NTM: variants seen among roughly 807,000 people sequenced by gnomAD.
The protein encoded by NTM is neurotrimin.
NTM carries 13 observed loss-of-function variants against 42.1 expected under a neutral mutation model. The observed-to-expected ratio is 0.31, with a 90% CI of 0.20 to 0.49. NTM has a LOEUF of 0.49. Ranked by LOEUF, NTM falls within the 20% of genes least tolerant of loss-of-function variation. The pLI is 0.99. For synonymous variants in NTM, 187 were observed against 179.2 expected (o/e 1.04, Z -0.35); for missense variants, 373 against 452.8 (o/e 0.82, Z 1.60).
intron 1 of NTM, among the ~76,000 whole-genome samples, chr11:131,431,171 G>T (rs540190151): frequency 6.6e-6 from 1 of 152,116 alleles, no homozygotes; most frequent in South Asian, 2.1e-4. Context: ...CAGCTTTCAC[G>T]GTGGGAATCA....
intron 1 of NTM, among the ~76,000 whole-genome samples, chr11:131,470,023 G>C (rs1394886566): frequency 1.3e-5 from 2 of 152,168 alleles, no homozygotes; most frequent in Admixed American, 1.3e-4. Context: ...AAAATTAGAG[G>C]TGAAAGCTGG....
intron 2 of NTM, among the ~76,000 whole-genome samples, chr11:132,087,218 C>A (rs1249949395): frequency 2.0e-4 from 31 of 152,114 alleles, no homozygotes; most frequent in Admixed American, 2.0e-3. Flanking sequence ...TTCACCCATG[C>A]TAAGGGGAGG....
intron 2 of NTM, among the ~76,000 whole-genome samples, chr11:132,069,381 ACGT>A (rs2057059930): frequency 1.9e-4 from 20 of 103,076 alleles, no homozygotes; most frequent in South Asian, 2.6e-4. Context: ...GTTAGTTAAC[ACGT>A]CACTCAGCCA....
intron 4 of NTM, among the ~76,000 whole-genome samples, chr11:132,276,651 G>T (rs1355002945): frequency 6.6e-6 from 1 of 152,136 alleles, no homozygotes; most frequent in Non-Finnish European, 1.5e-5. Flanking sequence ...AACATTGTCT[G>T]CTAAGTCTCA....
At position 132,241,649 on chromosome 11, in the gene NTM, A is replaced by G. The variant is rs552999466; in HGVS notation, c.526+29502A>G. The stretch of plus-strand genomic sequence containing the variant: ...CTCTTGCATGTGTCTCTGTAAAATG[A>G]AGCTGATAATGAATTGTTCCGTACT... On this transcript the variant is annotated intron_variant, in intron 4 of 8. Coordinates refer to ENST00000683400, the MANE Select transcript of NTM (RefSeq NM_001352005.2). 5.3e-4 allele frequency among the ~76,000 whole-genome samples: 80 copies of G among 152,352 alleles called. 1 individual carries two copies. The highest frequency in any genetic ancestry group is 1.8e-3 in the Admixed American group (28 of 15,312).
intron 4 of NTM, among the ~76,000 whole-genome samples, chr11:132,227,383 A>C (rs2138974113): frequency 6.6e-6 from 1 of 152,268 alleles, no homozygotes; most frequent in African/African-American, 2.4e-5. Flanking sequence ...AGAAAGAGGG[A>C]GAATGGGTTA....
At chr11:132,147,455 G>T (rs2070783784) in intron 3 of NTM, among the ~76,000 whole-genome samples, 1 of 152,060 alleles carries the variant, frequency 6.6e-6, no homozygotes, top group South Asian at 2.1e-4. Context: ...TGTAAAGGGG[G>T]TCAACGTGAG....
At chr11:132,303,804 A>AGT (rs1157492445) in intron 4 of NTM, among the ~76,000 whole-genome samples, 2 of 151,692 alleles carry the variant, frequency 1.3e-5, no homozygotes, top group Admixed American at 1.3e-4. Context: ...GAGCTGCAGC[A>AGT]GTGGCAGTGG....
At chr11:131,385,696 A>AT (rs1423944424) in intron 1 of NTM, among the ~76,000 whole-genome samples, 6 of 152,208 alleles carry the variant, frequency 3.9e-5, no homozygotes, top group African/African-American at 1.4e-4. Context: ...CTACAAAAAA[A>AT]TTTTTTTAAA....
At chr11:131,712,262 T>C (rs1385857686) in intron 1 of NTM, among the ~76,000 whole-genome samples, 3 of 151,098 alleles carry the variant, frequency 2.0e-5, no homozygotes, top group Non-Finnish European at 4.4e-5. Flanking sequence ...TAGTTGCACA[T>C]AACCTTTGTT....
chr11:131,706,253 A>C (rs570879569), intron 1 of NTM, among the ~76,000 whole-genome samples: 43 of 152,164 alleles, frequency 2.8e-4, no homozygotes, highest in Non-Finnish European at 5.5e-4. Context: ...GGCCATTATA[A>C]AATGAAAAAG....
chr11:131,666,214 C>T (rs896568278), intron 1 of NTM, among the ~76,000 whole-genome samples: 1 of 152,192 alleles, frequency 6.6e-6, no homozygotes, highest in South Asian at 2.1e-4. Context: ...ACCCTTCACC[C>T]TGCCTATCAC....
intron 2 of NTM, among the ~76,000 whole-genome samples, chr11:132,039,080 C>G (rs1051142159): frequency 6.6e-6 from 1 of 152,220 alleles, no homozygotes; most frequent in Non-Finnish European, 1.5e-5. Flanking sequence ...CAGGTAATCC[C>G]TCTGTCCAGA....
chr11:132,110,349 T>C (rs189106040), intron 2 of NTM, among the ~76,000 whole-genome samples: 160 of 152,352 alleles, frequency 1.1e-3, no homozygotes, highest in African/African-American at 3.7e-3. Context: ...GGAAATAATA[T>C]GGTCTTCAAA....
intron 4 of NTM, among the ~76,000 whole-genome samples, chr11:132,293,070 C>A (rs979212000): frequency 6.6e-6 from 1 of 152,040 alleles, no homozygotes; most frequent in South Asian, 2.1e-4. Context: ...GATTGTACTT[C>A]TGGACGAGGA....
intron 4 of NTM, among the ~76,000 whole-genome samples, chr11:132,265,797 G>T (rs779832169): frequency 6.6e-6 from 1 of 152,150 alleles, no homozygotes; most frequent in Non-Finnish European, 1.5e-5. Context: ...CAACCTGAAT[G>T]AAGTATGTGC....
At chr11:132,144,239 C>T (rs1591800418) in intron 2 of NTM, among the ~76,000 whole-genome samples, 1 of 152,136 alleles carries the variant, frequency 6.6e-6, no homozygotes, top group African/African-American at 2.4e-5. Flanking sequence ...TGACCAGGGG[C>T]CATCAGCTTT....
intron 4 of NTM, among the ~76,000 whole-genome samples, chr11:132,264,744 C>T (rs2093075574): frequency 6.6e-6 from 1 of 152,104 alleles, no homozygotes; most frequent in Non-Finnish European, 1.5e-5. Context: ...TTTTACTTCC[C>T]AAGTATTTTC....
At chr11:132,122,541 G>A (rs77521410) in intron 2 of NTM, among the ~76,000 whole-genome samples, 3,634 of 152,258 alleles carry the variant, frequency 0.024, 70 homozygotes, top group Middle Eastern at 0.068. Flanking sequence ...CTACCTGGCG[G>A]GGAGGAAAAG....
Sources: gnomAD v4.1 joint callset for allele counts (sites outside exome capture counted in the v4.1 genomes callset) on GRCh38, gnomAD v4.1.1 for gene constraint, MANE v1.5 for transcripts, NCBI Gene and HGNC (gene_info 2026-07-23, HGNC 2026-07-21) for gene names.